The following CLNK variants were observed in gnomAD, a reference collection of about 807,000 sequenced individuals.
CLNK encodes the protein cytokine dependent hematopoietic cell linker.
CLNK carries 74 observed loss-of-function variants against 68.6 expected under a neutral mutation model. The observed-to-expected ratio is 1.08, with a 90% CI of 0.89 to 1.31. CLNK has a LOEUF of 1.31. CLNK is among the 50% of genes most tolerant of loss of function. CLNK has a pLI of 0.00. For synonymous variants in CLNK, 198 were observed against 172.2 expected (o/e 1.15, Z -1.17); for missense variants, 553 against 515.3 (o/e 1.07, Z -0.71).
At chr4:10,579,590 C>T (rs1720702205) in intron 4 of CLNK, among the ~76,000 whole-genome samples, 1 of 152,042 alleles carries the variant, frequency 6.6e-6, no homozygotes, top group Non-Finnish European at 1.5e-5. Flanking sequence ...GAAAAGGGGT[C>T]CTTGGAAAGT....
intron 7 of CLNK, among the ~76,000 whole-genome samples, chr4:10,558,908 G>GT (rs1249537728): frequency 1.3e-5 from 2 of 152,124 alleles, no homozygotes; most frequent in Non-Finnish European, 2.9e-5. Context: ...CGTGCTGACT[G>GT]TGAGAACATG....
chr4:10,590,639 T>C (rs1721149866), intron 3 of CLNK, among the ~76,000 whole-genome samples: 1 of 152,214 alleles, frequency 6.6e-6, no homozygotes, highest in Non-Finnish European at 1.5e-5. Flanking sequence ...CATTTTAAGT[T>C]CACCCCCTGA....
intron 17 of CLNK, among the ~76,000 whole-genome samples, chr4:10,506,960 C>T (rs1420567615): frequency 3.3e-5 from 5 of 150,690 alleles, no homozygotes; most frequent in East Asian, 2.0e-4. Context: ...CCACCATGCC[C>T]GGCCAATTTT....
chr4:10,622,916 C>T (rs1403673105), intron 2 of CLNK, among the ~76,000 whole-genome samples: 1 of 152,038 alleles, frequency 6.6e-6, no homozygotes, highest in Admixed American at 6.5e-5. Context: ...GGAGCTCTGG[C>T]CCCTTCATCC....
rs755548294 is a variant in CLNK at position 10,584,917 on chromosome 4, C to T, written c.112+10G>A. 9 of 1,613,588 alleles carry T rather than the reference C, an allele frequency of 5.6e-6. No individual in the cohort carries two copies. In the Admixed American group the frequency reaches 1.5e-4, roughly 27 times the overall value. The stretch of plus-strand genomic sequence containing the variant: ...TCCCACCACTTAGGTGACAGAGAGC[C>T]CCGACTCACCTGTGGCACTATTGAT... On this transcript the variant is annotated intron_variant, in intron 4 of 18. Transcript: ENST00000226951.
intron 17 of CLNK, among the ~76,000 whole-genome samples, chr4:10,503,685 A>G (rs574585720): frequency 3.3e-5 from 5 of 149,932 alleles, no homozygotes; most frequent in African/African-American, 1.2e-4. Context: ...ATAATACTGT[A>G]ACATGATAGT....
At chr4:10,633,078 C>T (rs771315295) in intron 2 of CLNK, among the ~76,000 whole-genome samples, 18 of 152,282 alleles carry the variant, frequency 1.2e-4, no homozygotes, top group South Asian at 8.3e-4. Context: ...TCTGGGATTA[C>T]AGGCATGTGC....
At chr4:10,713,679 G>A in the CLNK span, among the ~76,000 whole-genome samples, 1 of 152,144 alleles carries the variant, frequency 6.6e-6, no homozygotes, top group African/African-American at 2.4e-5. Flanking sequence ...TCATGGATGG[G>A]TTGGTGCCTT....
chr4:10,630,185 T>C (rs151322271), intron 2 of CLNK, among the ~76,000 whole-genome samples: 4 of 152,398 alleles, frequency 2.6e-5, no homozygotes, highest in East Asian at 1.9e-4. Flanking sequence ...TAGACTGGAA[T>C]TGAATCTGGC....
chr4:10,545,466 G>A (rs554939906), intron 8 of CLNK, among the ~76,000 whole-genome samples: 8 of 152,144 alleles, frequency 5.3e-5, no homozygotes, highest in South Asian at 4.2e-4. Context: ...CCAAGGCCTC[G>A]GGACACCCCA....
upstream of CLNK, among the ~76,000 whole-genome samples, chr4:10,688,951 C>A (rs1389869521): frequency 6.6e-6 from 1 of 151,816 alleles, no homozygotes; most frequent in Non-Finnish European, 1.5e-5. Flanking sequence ...CCCAGTTTCC[C>A]CCCGAGAAAC....
At chr4:10,629,017 A>G (rs1454312853) in intron 2 of CLNK, among the ~76,000 whole-genome samples, 1 of 152,164 alleles carries the variant, frequency 6.6e-6, no homozygotes, top group Non-Finnish European at 1.5e-5. Context: ...AGGCTATTAA[A>G]TTCTCCCTGG....
chr4:10,507,234 C>A (rs1322754912), intron 17 of CLNK, among the ~76,000 whole-genome samples: 2 of 151,854 alleles, frequency 1.3e-5, no homozygotes, highest in Non-Finnish European at 2.9e-5. Flanking sequence ...GTCTCAGCCT[C>A]CCGAGTAGCT....
intron 11 of CLNK, among the ~76,000 whole-genome samples, 172 bp from the exon 12 acceptor site, chr4:10,532,455 C>T (rs1157001187): frequency 6.6e-6 from 1 of 152,108 alleles, no homozygotes; most frequent in African/African-American, 2.4e-5. Context: ...TTATTTTTCT[C>T]ATAATTTTCT....
intron 8 of CLNK, among the ~76,000 whole-genome samples, chr4:10,555,740 G>C (rs756806124): frequency 2.0e-5 from 3 of 152,178 alleles, no homozygotes; most frequent in Non-Finnish European, 4.4e-5. Flanking sequence ...ATTTTTGTGA[G>C]AGTGAATAAA....
chr4:10,588,301 A>C (rs1721049350), intron 3 of CLNK, among the ~76,000 whole-genome samples: 2 of 152,180 alleles, frequency 1.3e-5, no homozygotes, highest in Non-Finnish European at 2.9e-5. Flanking sequence ...TCTAACCCTG[A>C]CCTTATCTGG....
intron 7 of CLNK, among the ~76,000 whole-genome samples, chr4:10,564,348 T>C (rs1388321652): frequency 6.6e-6 from 1 of 152,200 alleles, no homozygotes; most frequent in East Asian, 1.9e-4. Context: ...TATATTATGA[T>C]CAGAAAGATT....
intron 4 of CLNK, among the ~76,000 whole-genome samples, chr4:10,584,329 A>AT (rs1720895232): frequency 6.6e-6 from 1 of 152,000 alleles, no homozygotes; most frequent in South Asian, 2.1e-4. Flanking sequence ...CAATGTCTCC[A>AT]TTTTTCTGCC....
chr4:10,543,087 G>A (rs1719100369), intron 8 of CLNK, among the ~76,000 whole-genome samples: 1 of 152,172 alleles, frequency 6.6e-6, no homozygotes, highest in Non-Finnish European at 1.5e-5. Flanking sequence ...TGGCTCTGGG[G>A]ATGTGACACT....
Sources: gnomAD v4.1 joint callset for allele counts (sites outside exome capture counted in the v4.1 genomes callset) on GRCh38, gnomAD v4.1.1 for gene constraint, MANE v1.5 for transcripts, NCBI Gene and HGNC (gene_info 2026-07-23, HGNC 2026-07-21) for gene names.